The following SHTN1 variants were observed in gnomAD, a reference collection of about 807,000 sequenced individuals.
SHTN1 encodes the protein shootin-1.
SHTN1 carries 42 observed loss-of-function variants against 83.1 expected under a neutral mutation model. That is an observed-to-expected ratio of 0.51 (90% CI 0.39 to 0.65). The LOEUF (loss-of-function observed/expected upper bound fraction) is 0.65, where lower values mean the gene tolerates loss of function less well. SHTN1 is among the 30% of genes least tolerant of loss of function. SHTN1 has a pLI of 0.00. For synonymous variants in SHTN1, 224 were observed against 247.7 expected, an observed-to-expected ratio of 0.90 and a Z score of 0.90; for missense variants, 622 against 737.8, an observed-to-expected ratio of 0.84 and a Z score of 1.82.
At chr10:117,097,334 A>G (rs989441217) in intron 1 of SHTN1, among the ~76,000 whole-genome samples, 1 of 152,224 alleles carries the variant, frequency 6.6e-6, no homozygotes, top group African/African-American at 2.4e-5. Context: ...ACTAAGTTTA[A>G]ATTGATTTTA....
intron 1 of SHTN1, among the ~76,000 whole-genome samples, chr10:117,110,744 C>T (rs539845714): frequency 1.3e-5 from 2 of 152,290 alleles, no homozygotes; most frequent in Admixed American, 6.5e-5. Flanking sequence ...TGTTCTAGAG[C>T]AACAGCTACC....
chr10:117,029,460 G>C (rs1852375666), intron 2 of SHTN1, among the ~76,000 whole-genome samples: 1 of 152,124 alleles, frequency 6.6e-6, no homozygotes, highest in South Asian at 2.1e-4. Context: ...ATGAGATTTG[G>C]GAAGGTCTGG....
At chr10:116,934,711 C>T (rs937736798) in intron 9 of SHTN1, among the ~76,000 whole-genome samples, 1 of 152,016 alleles carries the variant, frequency 6.6e-6, no homozygotes, top group Non-Finnish European at 1.5e-5. Context: ...TGAAGAAAGT[C>T]AATGGTAGCT....
intron 1 of SHTN1, among the ~76,000 whole-genome samples, chr10:117,084,032 T>C (rs1185154182): frequency 5.3e-5 from 8 of 152,172 alleles, no homozygotes; most frequent in Admixed American, 5.2e-4. Flanking sequence ...TCTGAAGCCT[T>C]CTTCTCTCAG....
At chr10:117,100,997 G>C (rs139077848) in intron 1 of SHTN1, among the ~76,000 whole-genome samples, 81 of 152,316 alleles carry the variant, frequency 5.3e-4, no homozygotes, top group Non-Finnish European at 9.6e-4. Context: ...CCTTGGTAAA[G>C]ACTGGATTTT....
At chr10:117,009,313 C>A (rs1852067173), upstream of SHTN1, among the ~76,000 whole-genome samples, 1 of 151,984 alleles carries the variant, frequency 6.6e-6, no homozygotes, top group Non-Finnish European at 1.5e-5. Flanking sequence ...TAAGTCATTT[C>A]TTATTAACTG....
At position 116,946,604 on chromosome 10, in the gene SHTN1, G is replaced by A. The variant is rs11197853; in HGVS notation, c.617-1586C>T. ...TGATTTATATATAAATATATAAAAT[G>A]ATTTATATATAAATATATAAAATGA... On this transcript the variant is annotated intron_variant, in intron 7 of 16. Transcript: ENST00000355371. 2.5e-3 allele frequency among the ~76,000 whole-genome samples: 142 copies of A among 55,692 alleles called. 1 individual carries two copies. The highest frequency in any genetic ancestry group is 7.2e-3 in the African/African-American group (80 of 11,106). 36.5% of individuals were successfully genotyped at this position (55,692 alleles called of 152,430 possible).
At chr10:116,918,603 G>T (rs900124531) in intron 12 of SHTN1, among the ~76,000 whole-genome samples, 1 of 152,120 alleles carries the variant, frequency 6.6e-6, no homozygotes, top group African/African-American at 2.4e-5. Flanking sequence ...AGAACCTGTG[G>T]GATGAGGATT....
At chr10:116,905,208 CAA>C (rs772309175) in intron 15 of SHTN1, among the ~76,000 whole-genome samples, 141 of 63,434 alleles carry the variant, frequency 2.2e-3, no homozygotes, top group African/African-American at 6.4e-3. Flanking sequence ...GACTCCGTCT[CAA>C]AAAAAAAAAA....
chr10:117,027,061 G>T (rs1852342612), intron 2 of SHTN1, among the ~76,000 whole-genome samples: 1 of 152,224 alleles, frequency 6.6e-6, no homozygotes, highest in Non-Finnish European at 1.5e-5. Flanking sequence ...TTGGCAGAAA[G>T]TAAGGGAAGA....
intron 14 of SHTN1, among the ~76,000 whole-genome samples, chr10:116,909,266 G>T (rs1210854805): frequency 6.6e-6 from 1 of 152,004 alleles, no homozygotes; most frequent in African/African-American, 2.4e-5. Context: ...AACAACCTTA[G>T]GCCCCATGTT....
intron 1 of SHTN1, among the ~76,000 whole-genome samples, chr10:116,990,228 T>C (rs1851370661): frequency 6.6e-6 from 1 of 152,090 alleles, no homozygotes; most frequent in Non-Finnish European, 1.5e-5. Context: ...ATGACTGATC[T>C]TTAGCCACCC....
intron 2 of SHTN1, among the ~76,000 whole-genome samples, chr10:117,024,535 T>C (rs1852304647): frequency 6.6e-6 from 1 of 151,914 alleles, no homozygotes; most frequent in African/African-American, 2.4e-5. Context: ...TTTATATTTT[T>C]AGTAGAGACG....
upstream of SHTN1, chr10:117,005,576 A>G: frequency 1.0e-6 from 1 of 995,524 alleles, no homozygotes; most frequent in Non-Finnish European, 1.2e-6. Context: ...GCGGGACGCA[A>G]TGAGCCATGA....
chr10:116,907,706 G>A (rs953366279), intron 14 of SHTN1, among the ~76,000 whole-genome samples: 3 of 152,096 alleles, frequency 2.0e-5, no homozygotes, highest in Non-Finnish European at 2.9e-5. Flanking sequence ...CACATACTTG[G>A]GAGGCAGCGG....
chr10:116,881,538 T>C lies in SHTN1; in HGVS notation c.*4806A>G. 1.3e-6 allele frequency: 2 copies of C among 1,545,714 alleles called. No homozygotes were observed. Among genetic ancestry groups the C allele is most frequent in the Non-Finnish European group, 1.7e-6 (2 of 1,145,776 alleles). On this transcript the variant is annotated 3_prime_UTR_variant, in exon 17 of 17. Coordinates refer to ENST00000355371, the MANE Select transcript of SHTN1 (RefSeq NM_001127211.3). Reference sequence around the variant, plus strand: ...AGGTTTCAAAGAAGAACACACTTTTTTTTACTTTAATGAGGAAGCTGAAAA... The same window carrying C: ...AGGTTTCAAAGAAGAACACACTTTTCTTTACTTTAATGAGGAAGCTGAAAA...
intron 2 of SHTN1, among the ~76,000 whole-genome samples, chr10:117,034,797 TA>T (rs1413460516): frequency 6.6e-6 from 1 of 152,040 alleles, no homozygotes; most frequent in African/African-American, 2.4e-5. Flanking sequence ...CTCTATAATA[TA>T]AACCATAAAC....
At chr10:116,993,309 A>G (rs1851512338) in intron 1 of SHTN1, among the ~76,000 whole-genome samples, 3 of 151,988 alleles carry the variant, frequency 2.0e-5, no homozygotes, top group Admixed American at 2.0e-4. Flanking sequence ...GCCACCATGC[A>G]CTGGCCTGTA....
intron 9 of SHTN1, among the ~76,000 whole-genome samples, chr10:116,930,299 T>C (rs751109453): frequency 1.3e-5 from 2 of 152,152 alleles, no homozygotes; most frequent in Non-Finnish European, 2.9e-5. Flanking sequence ...AAATTGTGTG[T>C]CACAGGGGCT....
Sources: allele counts gnomAD v4.1 joint callset (sites outside exome capture counted in the v4.1 genomes callset), GRCh38; gene constraint gnomAD v4.1.1; transcripts MANE v1.5; gene names NCBI Gene and HGNC (gene_info 2026-07-23, HGNC 2026-07-21).